CERS1: variants seen among roughly 807,000 people sequenced by gnomAD.
CERS1 encodes the protein ceramide synthase 1.
Under a neutral mutation model 35.7 loss-of-function variants are expected in CERS1, and 16 were observed. The observed-to-expected ratio is 0.45, with a 90% CI of 0.30 to 0.68. CERS1 has a LOEUF of 0.68. CERS1 is among the 30% of genes least tolerant of loss of function. The pLI is 0.08. For synonymous variants in CERS1, 243 were observed against 201.6 expected (o/e 1.21, Z -1.74); for missense variants, 454 against 453.9 (o/e 1.00, Z 0.00).
intron 1 of CERS1, among the ~76,000 whole-genome samples, 197 bp from the exon 2 acceptor site, chr19:18,893,772 C>T (rs549655546): frequency 0.01 from 1,587 of 152,058 alleles, 16 homozygotes; most frequent in Non-Finnish European, 0.015. Flanking sequence ...CCCAGCTGTC[C>T]GGCCGCCGCG....
At chr19:18,879,089 T>C (rs1159926194) in intron 5 of CERS1, 50 bp from the exon 6 acceptor site, 1 of 1,601,322 alleles carries the variant, frequency 6.2e-7, no homozygotes, top group Non-Finnish European at 8.5e-7. Flanking sequence ...CCCACGCCAC[T>C]GCCCTGCTGA....
chr19:18,869,986 G>T lies in CERS1; in HGVS notation c.*591C>A, dbSNP rs764931939. 2.0e-5 allele frequency: 32 copies of T among 1,588,926 alleles called. 1 individual carries two copies. In the South Asian group the frequency reaches 3.6e-4, roughly 18 times the overall value. On this transcript the variant is annotated 3_prime_UTR_variant, in exon 7 of 8. Transcript: ENST00000623882. ...CCCCAGCGAAAGCCCCACTCACCGC[G>T]GTCCGGGATGTGGCGCACGATGTTT...
chr19:18,872,747 C>T (rs2055997110), intron 6 of CERS1, among the ~76,000 whole-genome samples: 2 of 147,010 alleles, frequency 1.4e-5, no homozygotes, highest in South Asian at 2.2e-4. Flanking sequence ...AACTCCTGAC[C>T]TCAGGTGATC....
rs368637790 is a variant in CERS1 at position 18,880,317 on chromosome 19, C to T, written c.709G>A (p.Ala237Thr). Residue 237 changes from alanine (A) to threonine (T), a missense_variant, in exon 4 of 8, where the codon GCC becomes ACC. Physicochemically the swap from Ala to Thr is moderately conservative, Grantham distance 58. Transcript: ENST00000623882. ...SRGGSYHRLH[A>T]LAADLGCLSF... is the part of the protein sequence containing the mutation. ...AGGCAGCCCAAGTCTGCTGCCAAGG[C>T]ATGCAGCCGATGGTAGGAGCCGCCG... The T allele has an allele frequency of 7.7e-6, 12 of 1,553,164 alleles. No homozygotes were observed. Among genetic ancestry groups the T allele is most frequent in the African/African-American group, 5.5e-5 (4 of 73,264 alleles).
intron 7 of CERS1, among the ~76,000 whole-genome samples, chr19:18,869,625 A>AG (rs1217343729): frequency 1.7e-5 from 2 of 114,360 alleles, no homozygotes; most frequent in Non-Finnish European, 3.6e-5. Flanking sequence ...GCATAGGAGG[A>AG]GGGGTGGCCG....
rs1377100866 is a variant in CERS1, at chr19:18,878,013, C to T, written c.1010+917G>A. 1 of 985,424 alleles carries T rather than the reference C, an allele frequency of 1.0e-6. No homozygotes were observed. Among genetic ancestry groups the T allele is most frequent in the African/African-American group, 1.7e-5 (1 of 57,210 alleles). The allele number at this position is 985,424 out of a possible 1,614,324, so 61.0% of individuals were successfully genotyped here. ...GGTGGGGGGTCTGACGCTCCTCTGC[C>T]TGGCTACAGCCCCGGATGTGTTAAA... On this transcript the variant is annotated intron_variant, in intron 6 of 7. Coordinates refer to ENST00000623882, the MANE Select transcript of CERS1 (RefSeq NM_021267.5). The surrounding 1 kb of genome is among the most constrained non-coding windows in gnomAD (Gnocchi z 4.6).
In CERS1 at chr19:18,878,647, C is replaced by T. The variant is rs1213189775; in HGVS notation, c.1010+283G>A. 2 of 1,243,614 alleles carry T rather than the reference C, an allele frequency of 1.6e-6. No homozygotes were observed. The highest frequency in any genetic ancestry group is 2.0e-6 in the Non-Finnish European group (2 of 983,500). 77.0% of individuals were successfully genotyped at this position (1,243,614 alleles called of 1,614,324 possible). On this transcript the variant is annotated intron_variant, in intron 6 of 7. Coordinates refer to ENST00000623882, the MANE Select transcript of CERS1 (RefSeq NM_021267.5). This position sits in a 1 kb window ranked among gnomAD's most constrained non-coding sequence, Gnocchi z 4.6. ...GCCCTGGCTCGCCACTCCCGCCACA[C>T]CAGCCACTAGGCCTGGCCCTCAGTG...
At chr19:18,893,700 T>G (rs1460370544) in intron 1 of CERS1, 125 bp from the exon 2 acceptor site, 2 of 940,088 alleles carry the variant, frequency 2.1e-6, no homozygotes, top group Non-Finnish European at 3.1e-6. Context: ...CTGTCCCCCA[T>G]GCCCACAGCC....
chr19:18,880,193 G>C, intron 4 of CERS1, 81 bp downstream of exon 4: 2 of 1,375,560 alleles, frequency 1.5e-6, no homozygotes, highest in Non-Finnish European at 1.9e-6. Context: ...CTCCTTCCCT[G>C]CCTGGTCCCG....
In CERS1 at chr19:18,878,324, C is replaced by T. The variant is rs559657143; in HGVS notation, c.1010+606G>A. The T allele has an allele frequency of 8.8e-5, 87 of 985,884 alleles. No homozygotes were observed. The highest frequency in any genetic ancestry group is 1.0e-3 in the Middle Eastern group (2 of 1,916). The allele number at this position is 985,884 out of a possible 1,614,324, so 61.1% of individuals were successfully genotyped here. ...CCTGCCTGCCCCAGGCCTGGGGCTTCGGACACCATCTGGCTGTCACCCAGG... is the reference window on the plus strand; with the variant it reads ...CCTGCCTGCCCCAGGCCTGGGGCTTTGGACACCATCTGGCTGTCACCCAGG... On this transcript the variant is annotated intron_variant, in intron 6 of 7. Transcript: ENST00000623882. The surrounding 1 kb of genome is among the most constrained non-coding windows in gnomAD (Gnocchi z 4.6).
At position 18,870,128 on chromosome 19, in the gene CERS1, CG is replaced by C; in HGVS notation, c.*448del. 6.4e-7 allele frequency: 1 copy of C among 1,565,974 alleles called. No individual in the cohort carries two copies. The highest frequency in any genetic ancestry group is 8.6e-7 in the Non-Finnish European group (1 of 1,161,290). On this transcript the variant is annotated 3_prime_UTR_variant, in exon 7 of 8. Transcript: ENST00000623882. This position sits in a 1 kb window ranked among gnomAD's most constrained non-coding sequence, Gnocchi z 5.1. The stretch of plus-strand genomic sequence containing the variant: ...GGCGTCGAAACAGGCGCCACATGAC[CG>C]GGGGAACCGGCCGGAGCCTGGGGGC...
chr19:18,886,583 CA>C (rs907843199), intron 2 of CERS1, among the ~76,000 whole-genome samples: 5 of 151,946 alleles, frequency 3.3e-5, no homozygotes, highest in African/African-American at 9.7e-5. Context: ...AAACAAACAA[CA>C]AAAAAAGGCG....
Position 18,869,930 on chromosome 19 carries a change from C to T in CERS1, c.*594+53G>A, listed in dbSNP as rs1031934941. 36 of 1,517,982 alleles carry T rather than the reference C, an allele frequency of 2.4e-5. No individual in the cohort carries two copies. The African/African-American group carries it at 4.5e-4, about 19-fold the overall frequency. The allele number at this position is 1,517,982 out of a possible 1,614,324, so 94.0% of individuals were successfully genotyped here. A position where few individuals can be genotyped will look rare whatever the true frequency, so the allele number is the denominator to read the frequency against. On this transcript the variant is annotated intron_variant, in intron 7 of 7. Coordinates refer to ENST00000623882, the MANE Select transcript of CERS1 (RefSeq NM_021267.5). ...ATCCCCGGGCCACTCTCGAGGCTCG[C>T]CCTGCGAGGTCTGGCCTCCAGGACC... is the stretch of plus-strand genomic sequence containing the variant.
At chr19:18,873,841 GAAA>G (rs35266368) in intron 6 of CERS1, among the ~76,000 whole-genome samples, 3 of 116,828 alleles carry the variant, frequency 2.6e-5, no homozygotes, top group African/African-American at 9.4e-5. Flanking sequence ...ACTCTGTCTC[GAAA>G]AAAAAAAAAA....
In CERS1 at chr19:18,870,647, C is replaced by T. The variant is rs1196372013; in HGVS notation, c.1011-28G>A. On this transcript the variant is annotated intron_variant, in intron 6 of 7. Coordinates refer to ENST00000623882, the MANE Select transcript of CERS1 (RefSeq NM_021267.5). The surrounding 1 kb of genome is among the most constrained non-coding windows in gnomAD (Gnocchi z 5.1). Reference sequence around the variant, plus strand: ...GGGGGTCAGAACCGGCGCAGGTTAGCCTGGGAGCCCCACGCGGCCGCCTGG... The same window carrying T: ...GGGGGTCAGAACCGGCGCAGGTTAGTCTGGGAGCCCCACGCGGCCGCCTGG... 2 of 531,860 alleles carry T rather than the reference C, an allele frequency of 3.8e-6. No homozygotes were observed. The highest frequency in any genetic ancestry group is 6.8e-6 in the Non-Finnish European group (2 of 293,964). 32.9% of individuals were successfully genotyped at this position (531,860 alleles called of 1,614,324 possible).
chr19:18,889,920 C>T (rs1601185406), intron 2 of CERS1, among the ~76,000 whole-genome samples: 1 of 152,136 alleles, frequency 6.6e-6, no homozygotes, highest in Non-Finnish European at 1.5e-5. Context: ...TCAGCTCTGC[C>T]TTCTAAACAT....
Position 18,868,597 on chromosome 19 carries a change from T to C in CERS1, c.*1388A>G. The C allele has an allele frequency of 6.4e-7, 1 of 1,554,618 alleles. No homozygotes were observed. Among genetic ancestry groups the C allele is most frequent in the Non-Finnish European group, 8.7e-7 (1 of 1,148,656 alleles). On this transcript the variant is annotated 3_prime_UTR_variant, in exon 8 of 8. Transcript: ENST00000623882. Reference sequence around the variant, plus strand: ...GGCCCGCGTCCCTGCCCGCCCCGGGTTAGCGGCAGCCGCACTCGTCCACCA... The same window carrying C: ...GGCCCGCGTCCCTGCCCGCCCCGGGCTAGCGGCAGCCGCACTCGTCCACCA...
rs79643693 is a variant in CERS1, at chr19:18,879,314, G to C, written c.827C>G (p.Pro276Arg). ...GAAGAAGAAGTAGAAGGGGATGTCA[G>C]GCACCGTGCGCAGACTGCAGTGACT... ...ATSHCSLRTV[P>R]DIPFYFFFNA... The change falls in exon 5 of 8, where the codon CCT becomes CGT. Residue 276 changes from proline to arginine, a missense_variant. Coordinates refer to ENST00000623882, the MANE Select transcript of CERS1 (RefSeq NM_021267.5). 2 of 1,611,422 alleles carry C rather than the reference G, an allele frequency of 1.2e-6. No individual in the cohort carries two copies. Among genetic ancestry groups the C allele is most frequent in the East Asian group, 2.2e-5 (1 of 44,812 alleles).
intron 2 of CERS1, among the ~76,000 whole-genome samples, chr19:18,893,025 T>G (rs2056532013): frequency 6.6e-6 from 1 of 151,912 alleles, no homozygotes; most frequent in Admixed American, 6.6e-5. Flanking sequence ...CAAGCGATTC[T>G]CCTGCCTCAG....
Sources: allele counts gnomAD v4.1 joint callset (sites outside exome capture counted in the v4.1 genomes callset), GRCh38; gene constraint gnomAD v4.1.1; non-coding constraint Gnocchi (gnomAD v3.1); transcripts MANE v1.5; gene names NCBI Gene and HGNC (gene_info 2026-07-23, HGNC 2026-07-21).